KIR2DL4: variants seen among roughly 807,000 people sequenced by gnomAD.
KIR2DL4 encodes the protein killer cell immunoglobulin-like receptor 2DL4.
KIR2DL4 carries 41 observed loss-of-function variants against 31.0 expected under a neutral mutation model. That is an observed-to-expected ratio of 1.32 (90% CI 1.03 to 1.72). The LOEUF (loss-of-function observed/expected upper bound fraction) is 1.72. Among genes scored for constraint, KIR2DL4 ranks in the 40% most tolerant of loss-of-function variants. The pLI is 0.00. For missense variants in KIR2DL4, 438 were observed against 353.7 expected (o/e 1.24, Z -1.91); for synonymous variants, 164 against 133.6 (o/e 1.23, Z -1.57).
intron 3 of KIR2DL4, among the ~76,000 whole-genome samples, chr19:54,805,425 T>A (rs1464232518): frequency 6.6e-6 from 1 of 150,516 alleles, no homozygotes; most frequent in Admixed American, 6.6e-5. Context: ...AAGAGGAGAA[T>A]GGGGATTAGA....
At chr19:54,806,390 G>A in intron 4 of KIR2DL4, 146 bp downstream of exon 4, 1 of 948,054 alleles carries the variant, frequency 1.1e-6, no homozygotes, top group Non-Finnish European at 1.6e-6. Flanking sequence ...CAGGATGGCA[G>A]ACAGGGCACC....
chr19:54,805,626 G>T (rs1346600471), intron 3 of KIR2DL4, among the ~76,000 whole-genome samples: 1 of 149,764 alleles, frequency 6.7e-6, no homozygotes, highest in Non-Finnish European at 1.5e-5. Context: ...AGTGGAAGGG[G>T]TCAGTGTGTT....
At chr19:54,813,638 G>A in intron 6 of KIR2DL4, 52 bp from the exon 6 acceptor site, 1 of 1,577,174 alleles carries the variant, frequency 6.3e-7, no homozygotes, top group Non-Finnish European at 8.7e-7. Context: ...TTCATGAAAT[G>A]AGGACCCAGA....
At position 54,814,155 on chromosome 19, in the gene KIR2DL4, C is replaced by A; in HGVS notation, c.*355C>A. On this transcript the variant is annotated 3_prime_UTR_variant, in exon 8 of 8. Transcript: ENST00000359085. ...TAGAGCATCACTCTTCCTCACACCA[C>A]AAATCTGGTGCCTGTCTCTTGCTTA... The A allele has an allele frequency of 3.1e-6, 5 of 1,594,716 alleles. 1 individual carries two copies. The highest frequency in any genetic ancestry group is 8.5e-7 in the Non-Finnish European group (1 of 1,172,268).
exon 4 of KIR2DL4, chr19:54,806,065 G>C (rs771691398): frequency 2.0e-5 from 32 of 1,611,868 alleles, no homozygotes; most frequent in Non-Finnish European, 2.7e-5. Flanking sequence ...CATCTATCCA[G>C]GGAGGGGGAA....
At chr19:54,804,597 A>G (rs2060382179) in intron 2 of KIR2DL4, among the ~76,000 whole-genome samples, 196 bp from the exon 3 acceptor site, 1 of 151,180 alleles carries the variant, frequency 6.6e-6, no homozygotes, top group Non-Finnish European at 1.5e-5. Context: ...CTTACTCAGC[A>G]CCTGCTCAGT....
exon 8 of KIR2DL4, chr19:54,814,009 C>T: frequency 6.2e-7 from 1 of 1,612,412 alleles, no homozygotes; most frequent in Non-Finnish European, 8.5e-7. Context: ...TGTCTCCTGC[C>T]CATGAGCACC....
chr19:54,803,787 G>T, intron 1 of KIR2DL4, 96 bp downstream of exon 1: 2 of 1,564,814 alleles, frequency 1.3e-6, no homozygotes, highest in Non-Finnish European at 1.8e-6. Context: ...GCAAGTGAGT[G>T]GTGAGGATGA....
chr19:54,813,549 A>T, intron 6 of KIR2DL4, 141 bp from the exon 6 acceptor site: 1 of 874,220 alleles, frequency 1.1e-6, no homozygotes, highest in Non-Finnish European at 1.8e-6. Context: ...GCACTCAGAG[A>T]GATGGAATGT....
rs2060688564 is a variant in KIR2DL4, at chr19:54,808,898, C to T, written c.706+15C>T. On this transcript the variant is annotated intron_variant, in intron 5 of 7. Coordinates refer to ENST00000359085, the Ensembl canonical transcript of KIR2DL4. ...CTTCAAAACTGGTAAGTGAAGGACCCCTCTTATCTCTGCTTTTGGAAACCT... is the reference window on the plus strand; with the variant it reads ...CTTCAAAACTGGTAAGTGAAGGACCTCTCTTATCTCTGCTTTTGGAAACCT... The T allele has an allele frequency of 6.3e-7, 1 of 1,597,918 alleles. No individual in the cohort carries two copies. Among genetic ancestry groups the T allele is most frequent in the Non-Finnish European group, 8.6e-7 (1 of 1,168,350 alleles).
At chr19:54,807,275 T>C (rs1601158605) in intron 4 of KIR2DL4, among the ~76,000 whole-genome samples, 1 of 150,968 alleles carries the variant, frequency 6.6e-6, no homozygotes, top group Admixed American at 6.6e-5. Flanking sequence ...CATCCACTGA[T>C]GGGCAGGTAG....
intron 4 of KIR2DL4, among the ~76,000 whole-genome samples, chr19:54,808,388 G>A (rs1489113630): frequency 6.6e-6 from 1 of 151,334 alleles, no homozygotes; most frequent in Non-Finnish European, 1.5e-5. Flanking sequence ...ATGGTGAGAG[G>A]TAGAGGTGCA....
At position 54,804,731 on chromosome 19, in the gene KIR2DL4, C is replaced by A. The variant is rs560341968; in HGVS notation, c.77-62C>A. The A allele has an allele frequency of 3.3e-5, 51 of 1,527,358 alleles. No individual in the cohort carries two copies. The African/African-American group carries it at 5.9e-4, about 18-fold the overall frequency. The allele number at this position is 1,527,358 out of a possible 1,614,324, so 94.6% of individuals were successfully genotyped here. ...GAAGAAATGGGGAGAATCTTCTGAGCACAGGGAGGGAGGGGCAGCTCAACA... is the reference window on the plus strand; with the variant it reads ...GAAGAAATGGGGAGAATCTTCTGAGAACAGGGAGGGAGGGGCAGCTCAACA... On this transcript the variant is annotated intron_variant, in intron 2 of 7. Transcript: ENST00000359085.
chr19:54,803,732 G>A (rs2060319472), intron 1 of KIR2DL4, 41 bp downstream of exon 1: 12 of 1,600,684 alleles, frequency 7.5e-6, no homozygotes, highest in East Asian at 2.2e-5. Flanking sequence ...TTACACTATG[G>A]GCCTGCAGAT....
rs1398624814 is a variant in KIR2DL4 at position 54,808,901 on chromosome 19, C to T, written c.706+18C>T. On this transcript the variant is annotated intron_variant, in intron 5 of 7. Transcript: ENST00000359085. ...CAAAACTGGTAAGTGAAGGACCCCTCTTATCTCTGCTTTTGGAAACCTGGG... is the reference window on the plus strand; with the variant it reads ...CAAAACTGGTAAGTGAAGGACCCCTTTTATCTCTGCTTTTGGAAACCTGGG... The T allele has an allele frequency of 5.0e-6, 8 of 1,595,620 alleles. 1 individual carries two copies. The South Asian group carries it at 6.7e-5, about 13-fold the overall frequency.
chr19:54,805,196 G>A (rs2060438455), intron 3 of KIR2DL4, 119 bp downstream of exon 3: 1 of 1,000,838 alleles, frequency 1.0e-6, no homozygotes, highest in South Asian at 1.6e-5. Flanking sequence ...GGTAAAGGGG[G>A]ATTGAATACA....
At chr19:54,805,527 T>C (rs2060460483) in intron 3 of KIR2DL4, among the ~76,000 whole-genome samples, 1 of 151,418 alleles carries the variant, frequency 6.6e-6, no homozygotes, top group African/African-American at 2.4e-5. Context: ...TCAATGGAAC[T>C]GATTCTCCCG....
At chr19:54,813,591 C>T in intron 6 of KIR2DL4, 99 bp from the exon 6 acceptor site, 1 of 1,262,486 alleles carries the variant, frequency 7.9e-7, no homozygotes, top group Non-Finnish European at 1.1e-6. Flanking sequence ...TGAGGGACCT[C>T]AGGCACCTAT....
At chr19:54,809,862 C>T (rs2060751968) in intron 5 of KIR2DL4, among the ~76,000 whole-genome samples, 2 of 150,818 alleles carry the variant, frequency 1.3e-5, no homozygotes, top group Admixed American at 1.3e-4. Flanking sequence ...GATTAGCAAC[C>T]GTAATTCCAT....
Sources: gnomAD v4.1 joint callset for allele counts (sites outside exome capture counted in the v4.1 genomes callset) on GRCh38, gnomAD v4.1.1 for gene constraint, MANE v1.5 for transcripts, NCBI Gene and HGNC (gene_info 2026-07-23, HGNC 2026-07-21) for gene names.